Variants in SLC38A4 observed in about 807,000 individuals in gnomAD.
SLC38A4 encodes solute carrier family 38 member 4, also known as sodium-coupled neutral amino acid transporter 4.
SLC38A4 carries 20 observed loss-of-function variants against 63.1 expected under a neutral mutation model. The ratio of observed to expected loss-of-function variants is 0.32; its 90% CI spans 0.22 to 0.46. The LOEUF is 0.46. Ranked by LOEUF, SLC38A4 falls within the 20% of genes least tolerant of loss-of-function variation. The pLI is 1.00. For synonymous variants in SLC38A4, 230 were observed against 225.5 expected, an observed-to-expected ratio of 1.02 and a Z score of -0.18; for missense variants, 526 against 663.6, an observed-to-expected ratio of 0.79 and a Z score of 2.28.
At chr12:46,817,539 A>T (rs1939465008) in intron 1 of SLC38A4, among the ~76,000 whole-genome samples, 1 of 151,798 alleles carries the variant, frequency 6.6e-6, no homozygotes, top group African/African-American at 2.4e-5. Flanking sequence ...ACAAGGTACA[A>T]ATTGCCAACC....
At chr12:46,830,116 C>G (rs1939709033), upstream of SLC38A4, among the ~76,000 whole-genome samples, 1 of 152,140 alleles carries the variant, frequency 6.6e-6, no homozygotes, top group South Asian at 2.1e-4. Context: ...ATCTTCCAGC[C>G]TTTTGTTGCT....
intron 1 of SLC38A4, among the ~76,000 whole-genome samples, chr12:46,818,470 G>C (rs1053667334): frequency 6.6e-6 from 1 of 151,892 alleles, no homozygotes; most frequent in Non-Finnish European, 1.5e-5. Flanking sequence ...CTTGGCAAAA[G>C]TGTTATAATC....
rs115760319 is a variant in SLC38A4, at chr12:46,799,693, T to G, written c.-113+3910A>C. On this transcript the variant is annotated intron_variant, in intron 2 of 16. Transcript: ENST00000266579. ...ATCTTAACTCTGAAGATTATATCACTGATCTATTTAAGGGAACAATGGTTA... is the reference window on the plus strand; with the variant it reads ...ATCTTAACTCTGAAGATTATATCACGGATCTATTTAAGGGAACAATGGTTA... 4.0e-3 allele frequency among the ~76,000 whole-genome samples: 609 copies of G among 152,286 alleles called. 2 individuals carry two copies. The highest frequency in any genetic ancestry group is 0.013 in the African/African-American group (557 of 41,568).
chr12:46,807,362 G>A lies in SLC38A4; in HGVS notation c.-304-3568C>T, dbSNP rs372382179. ...ATTCTCCAAGAAGTTACCTTTTACC[G>A]TAGATTCATAAACTCAAGATCTAAT... On this transcript the variant is annotated intron_variant, in intron 1 of 16. Transcript: ENST00000266579. Among the ~76,000 whole-genome samples, 15 of 151,530 alleles carry A rather than the reference G, an allele frequency of 9.9e-5. 1 individual carries two copies. The highest frequency in any genetic ancestry group is 1.5e-4 in the African/African-American group (6 of 41,298).
chr12:46,809,050 C>G (rs1013508749), intron 1 of SLC38A4, among the ~76,000 whole-genome samples: 10 of 151,984 alleles, frequency 6.6e-5, no homozygotes, highest in Non-Finnish European at 1.3e-4. Flanking sequence ...CCTGTCCCTA[C>G]CAGAACAATT....
Position 46,787,934 on chromosome 12 carries a change from G to C in SLC38A4, c.308C>G (p.Thr103Arg). ...CACTTACATAAAAAGTATGATCCCTGTGTTGGCCATGGCATAGGACAAGCC... is the reference window on the plus strand; with the variant it reads ...CACTTACATAAAAAGTATGATCCCTCTGTTGGCCATGGCATAGGACAAGCC... ...ILGLSYAMAN[T>R]GIILFIIMLL... The change falls in exon 5 of 17, where the codon ACA (threonine) becomes AGA (arginine). Residue 103 changes from threonine (T) to arginine (R), a missense_variant. Transcript: ENST00000266579. The C allele has an allele frequency of 6.2e-7, 1 of 1,612,958 alleles. No homozygotes were observed. The highest frequency in any genetic ancestry group is 1.1e-5 in the South Asian group (1 of 91,008).
chr12:46,792,442 T>A (rs1172363437), intron 3 of SLC38A4, among the ~76,000 whole-genome samples: 1 of 151,986 alleles, frequency 6.6e-6, no homozygotes, highest in Non-Finnish European at 1.5e-5. Flanking sequence ...ACATTACAGG[T>A]TTAACTTTAT....
At position 46,779,793 on chromosome 12, in the gene SLC38A4, G is replaced by T; in HGVS notation, c.645C>A (p.Leu215=). ...VSVGIILPLS[L]LKNLGYLGYT... is the part of the protein sequence containing the mutation. Reference sequence around the variant, plus strand: ...AAATATCTTTACCTAAATTTTTAAGGAGCGAAAGTGGAAGAATAATTCCAA... The same window carrying T: ...AAATATCTTTACCTAAATTTTTAAGTAGCGAAAGTGGAAGAATAATTCCAA... Residue 215 remains leucine (L), a synonymous_variant, in exon 9 of 17, where the codon CTC becomes CTA. Transcript: ENST00000266579. 6.2e-7 allele frequency: 1 copy of T among 1,609,896 alleles called. No homozygotes were observed. Among genetic ancestry groups the T allele is most frequent in the Non-Finnish European group, 8.5e-7 (1 of 1,178,348 alleles).
intron 1 of SLC38A4, among the ~76,000 whole-genome samples, chr12:46,832,143 C>G (rs1939740020): frequency 1.3e-5 from 2 of 152,088 alleles, no homozygotes; most frequent in African/African-American, 4.8e-5. Context: ...GAATTAGGAA[C>G]TATGAGCATG....
intron 1 of SLC38A4, among the ~76,000 whole-genome samples, chr12:46,818,786 A>T (rs1939487566): frequency 6.6e-6 from 1 of 151,920 alleles, no homozygotes; most frequent in Admixed American, 6.6e-5. Flanking sequence ...AAATCAAAAC[A>T]ACACTTAGTG....
In SLC38A4 at chr12:46,802,607, G is replaced by A. The variant is rs183413248; in HGVS notation, c.-113+996C>T. ...AATACTTTCAAGAAAATCCCAGAAT[G>A]CTATCTAAATATAAATCGAAACTGG... On this transcript the variant is annotated intron_variant, in intron 2 of 16. Transcript: ENST00000266579. Among the ~76,000 whole-genome samples the A allele has an allele frequency of 1.1e-4, 16 of 151,970 alleles. 1 individual carries two copies. In the East Asian group the frequency reaches 1.5e-3, roughly 15 times the overall value.
Position 46,814,626 on chromosome 12 carries a change from C to G in SLC38A4, c.-304-10832G>C, listed in dbSNP as rs184259644. ...TTGCTGAGCATTTTAGTACTAATTG[C>G]CAAAACAGCCACACAGTTTTGGTCT... is the stretch of plus-strand genomic sequence containing the variant. On this transcript the variant is annotated intron_variant, in intron 1 of 16. Transcript: ENST00000266579. Among the ~76,000 whole-genome samples the G allele has an allele frequency of 2.0e-3, 301 of 152,020 alleles. 3 individuals carry two copies. Among genetic ancestry groups the G allele is most frequent in the Admixed American group, 0.019 (282 of 15,240 alleles).
At chr12:46,784,256 A>G (rs375704552) in intron 7 of SLC38A4, among the ~76,000 whole-genome samples, 9 of 152,156 alleles carry the variant, frequency 5.9e-5, no homozygotes, top group African/African-American at 2.2e-4. Context: ...TTTTAAGAGT[A>G]ATAATTCATG....
intron 2 of SLC38A4, among the ~76,000 whole-genome samples, chr12:46,800,247 T>C (rs1224923253): frequency 6.6e-6 from 1 of 152,118 alleles, no homozygotes; most frequent in African/African-American, 2.4e-5. Flanking sequence ...CATCCACTTC[T>C]ATCTCCATGA....
At chr12:46,778,856 T>C in intron 10 of SLC38A4, 80 bp from the exon 11 acceptor site, 1 of 1,354,888 alleles carries the variant, frequency 7.4e-7, no homozygotes, top group Non-Finnish European at 1.0e-6. Flanking sequence ...ATGTGTGGCT[T>C]ATAGGGTGGG....
chr12:46,811,434 G>A (rs528081779), intron 1 of SLC38A4, among the ~76,000 whole-genome samples: 1 of 152,106 alleles, frequency 6.6e-6, no homozygotes, highest in South Asian at 2.1e-4. Context: ...ACTGCAGGCA[G>A]AGCAGATGGC....
intron 1 of SLC38A4, among the ~76,000 whole-genome samples, chr12:46,818,524 T>C (rs117364908): frequency 6.6e-6 from 1 of 151,946 alleles, no homozygotes; most frequent in Non-Finnish European, 1.5e-5. Flanking sequence ...TTTGGTAATA[T>C]AGTACAACTC....
At chr12:46,789,321 C>T (rs1938831616) in intron 3 of SLC38A4, among the ~76,000 whole-genome samples, 1 of 151,716 alleles carries the variant, frequency 6.6e-6, no homozygotes, top group Non-Finnish European at 1.5e-5. Flanking sequence ...GTTTTAATTA[C>T]TCTCAAAATG....
chr12:46,810,634 G>A (rs893946627), intron 1 of SLC38A4, among the ~76,000 whole-genome samples: 17 of 151,588 alleles, frequency 1.1e-4, no homozygotes, highest in African/African-American at 2.2e-4. Context: ...AATGTTAATC[G>A]TGGTTATTTC....
Sources: gnomAD v4.1 joint callset for allele counts (sites outside exome capture counted in the v4.1 genomes callset) on GRCh38, gnomAD v4.1.1 for gene constraint, MANE v1.5 for transcripts, NCBI Gene and HGNC (gene_info 2026-07-23, HGNC 2026-07-21) for gene names.